Variants in SLC8A1 observed in about 807,000 individuals in gnomAD.
SLC8A1 encodes the protein solute carrier family 8 member A1, also known as sodium/calcium exchanger 1.
SLC8A1 carries 18 observed loss-of-function variants against 68.3 expected under a neutral mutation model. That is an observed-to-expected ratio of 0.26 (90% CI 0.18 to 0.39). SLC8A1 has a LOEUF of 0.39. SLC8A1 is among the 10% of genes least tolerant of loss of function. SLC8A1 has a pLI of 1.00. For missense variants in SLC8A1, 985 were observed against 1,156.7 expected, an observed-to-expected ratio of 0.85 and a Z score of 2.15; for synonymous variants, 475 against 415.5, an observed-to-expected ratio of 1.14 and a Z score of -1.74.
At position 40,458,571 on chromosome 2, in the gene SLC8A1, G is replaced by A. The variant is rs151174909; in HGVS notation, c.-24-28267C>T. On this transcript the variant is annotated intron_variant, in intron 1 of 7. Transcript: ENST00000402441. ...CTTTGTGGCTGCAGTTCAGGCTCTGGTTAGCTGACACAGTCACCATATCTA... is the reference window on the plus strand; with the variant it reads ...CTTTGTGGCTGCAGTTCAGGCTCTGATTAGCTGACACAGTCACCATATCTA... 1.7e-3 allele frequency among the ~76,000 whole-genome samples: 251 copies of A among 151,654 alleles called. 2 individuals are homozygous for A. The highest frequency in any genetic ancestry group is 5.7e-3 in the African/African-American group (237 of 41,328).
At chr2:40,429,106 C>T (rs1013113222) in exon 2 of SLC8A1, 2 of 1,613,084 alleles carry the variant, frequency 1.2e-6, no homozygotes, top group Admixed American at 3.3e-5. Flanking sequence ...CTCGTGCATG[C>T]TGACAGCCTT....
At chr2:40,423,671 G>C (rs940334821) in intron 2 of SLC8A1, among the ~76,000 whole-genome samples, 4 of 151,886 alleles carry the variant, frequency 2.6e-5, no homozygotes, top group Non-Finnish European at 5.9e-5. Flanking sequence ...GCTTTAATTA[G>C]TGCTGGAAAA....
At position 40,142,123 on chromosome 2, in the gene SLC8A1, A is replaced by G. The variant is rs187801391; in HGVS notation, c.2162-2447T>C. On this transcript the variant is annotated intron_variant, in intron 6 of 7. Coordinates refer to ENST00000406785, the Ensembl canonical transcript of SLC8A1. ...ATGACGTGGAAATGTAGGAACAATT[A>G]CTCAGTGTTTCTATTACCTACTCTT... Among the ~76,000 whole-genome samples, 8 of 152,234 alleles carry G rather than the reference A, an allele frequency of 5.3e-5. No individual in the cohort carries two copies. In the East Asian group the frequency reaches 1.5e-3, roughly 29 times the overall value.
chr2:40,134,931 A>G (rs1048870682), intron 7 of SLC8A1, among the ~76,000 whole-genome samples: 1 of 152,262 alleles, frequency 6.6e-6, no homozygotes, highest in Non-Finnish European at 1.5e-5. Flanking sequence ...GTGAAATAAT[A>G]CATAAGAACT....
intron 2 of SLC8A1, among the ~76,000 whole-genome samples, chr2:40,333,644 G>C (rs1296415033): frequency 4.6e-5 from 7 of 151,984 alleles, no homozygotes; most frequent in African/African-American, 1.7e-4. Context: ...CTTCTTAATA[G>C]TATAAACAAG....
At chr2:40,218,466 G>GT (rs1558803727) in intron 2 of SLC8A1, among the ~76,000 whole-genome samples, 1 of 152,074 alleles carries the variant, frequency 6.6e-6, no homozygotes, top group African/African-American at 2.4e-5. Flanking sequence ...ATTAATTGTG[G>GT]TTTTTACAAT....
At chr2:40,464,968 C>G (rs781595599) in intron 1 of SLC8A1, among the ~76,000 whole-genome samples, 16 of 152,086 alleles carry the variant, frequency 1.1e-4, no homozygotes, top group Non-Finnish European at 2.1e-4. Flanking sequence ...GAGGTGTTCT[C>G]TCCTTACTCC....
intron 6 of SLC8A1, among the ~76,000 whole-genome samples, chr2:40,160,456 A>G (rs545285787): frequency 6.6e-6 from 1 of 152,184 alleles, no homozygotes; most frequent in South Asian, 2.1e-4. Flanking sequence ...CTTACAGGGA[A>G]TTTTCCAGAC....
chr2:40,340,262 G>T (rs956881007), intron 2 of SLC8A1, among the ~76,000 whole-genome samples: 1 of 151,990 alleles, frequency 6.6e-6, no homozygotes, highest in Non-Finnish European at 1.5e-5. Context: ...TGGTAAGCTC[G>T]TCAAGAAGGG....
At chr2:40,477,149 G>T (rs1483620749) in intron 1 of SLC8A1, among the ~76,000 whole-genome samples, 1 of 152,146 alleles carries the variant, frequency 6.6e-6, no homozygotes, top group African/African-American at 2.4e-5. Context: ...TCTGAAAACA[G>T]AAACAGAAAG....
chr2:40,432,627 A>T (rs1698589584), intron 1 of SLC8A1, among the ~76,000 whole-genome samples: 1 of 151,936 alleles, frequency 6.6e-6, no homozygotes, highest in Non-Finnish European at 1.5e-5. Flanking sequence ...ACAGAAAACC[A>T]ATGTAGCAAG....
chr2:40,508,121 G>A (rs1385392087), intron 1 of SLC8A1, among the ~76,000 whole-genome samples: 2 of 151,928 alleles, frequency 1.3e-5, no homozygotes, highest in Non-Finnish European at 2.9e-5. Flanking sequence ...AAGCTGCTGG[G>A]CAGATTAAGG....
In SLC8A1 at chr2:40,309,592, T is replaced by C. The variant is rs2073310643; in HGVS notation, c.1808+118881A>G. ...TGCAATCTTGGCTGACCATAATTTC[T>C]GCTCCCAGGTTCAAGAGATTCTCCT... On this transcript the variant is annotated intron_variant, in intron 2 of 7. Transcript: ENST00000406785. Among the ~76,000 whole-genome samples, 10 of 151,486 alleles carry C rather than the reference T, an allele frequency of 6.6e-5. No homozygotes were observed. In the South Asian group the frequency reaches 2.1e-3, roughly 32 times the overall value.
At chr2:40,128,085 T>C (rs2038524066) in intron 7 of SLC8A1, among the ~76,000 whole-genome samples, 1 of 152,232 alleles carries the variant, frequency 6.6e-6, no homozygotes. Flanking sequence ...CGAGGAGCAG[T>C]GATGGGATTC....
At chr2:40,307,974 C>A (rs890216603) in intron 2 of SLC8A1, among the ~76,000 whole-genome samples, 2 of 151,218 alleles carry the variant, frequency 1.3e-5, no homozygotes, top group Middle Eastern at 3.2e-3. Flanking sequence ...CTAAAAGAGT[C>A]AGAAAAATAA....
intron 2 of SLC8A1, among the ~76,000 whole-genome samples, chr2:40,237,570 G>A (rs1212831166): frequency 2.0e-5 from 3 of 151,998 alleles, no homozygotes; most frequent in Non-Finnish European, 2.9e-5. Flanking sequence ...GTAGCTCAGA[G>A]TAATTTGATC....
chr2:40,121,208 C>T (rs368753260), intron 7 of SLC8A1, among the ~76,000 whole-genome samples: 8 of 152,246 alleles, frequency 5.3e-5, no homozygotes, highest in South Asian at 4.1e-4. Flanking sequence ...TCTCTGAGGA[C>T]GGGATACAGA....
intron 2 of SLC8A1, among the ~76,000 whole-genome samples, chr2:40,385,477 G>GA (rs1683263307): frequency 6.7e-6 from 1 of 148,756 alleles, no homozygotes; most frequent in South Asian, 2.1e-4. Context: ...GCTACGAAAA[G>GA]ACAGAAGTAT....
chr2:40,332,381 TCAAA>T (rs2076502630), intron 2 of SLC8A1, among the ~76,000 whole-genome samples: 1 of 127,740 alleles, frequency 7.8e-6, no homozygotes, highest in Admixed American at 9.5e-5. Flanking sequence ...ATAATTCAAT[TCAAA>T]CAGTCAAATG....
Sources: gnomAD v4.1 joint callset for allele counts (sites outside exome capture counted in the v4.1 genomes callset) on GRCh38, gnomAD v4.1.1 for gene constraint, MANE v1.5 for transcripts, NCBI Gene and HGNC (gene_info 2026-07-23, HGNC 2026-07-21) for gene names.